GPHN: variants seen among roughly 807,000 people sequenced by gnomAD.
GPHN encodes gephyrin.
Under a neutral mutation model 95.5 loss-of-function variants are expected in GPHN, and 17 were observed. That is an observed-to-expected ratio of 0.18 (90% CI 0.12 to 0.27). GPHN has a LOEUF of 0.27. GPHN is among the 10% of genes least tolerant of loss of function. The pLI, the probability that GPHN is intolerant of heterozygous loss-of-function variation, is 1.00. For missense variants in GPHN, 660 were observed against 978.1 expected (o/e 0.67, Z 4.34); for synonymous variants, 320 against 322.5 (o/e 0.99, Z 0.08).
chr14:66,603,731 A>G (rs1465753833), intron 1 of GPHN, among the ~76,000 whole-genome samples: 2 of 151,998 alleles, frequency 1.3e-5, no homozygotes, highest in African/African-American at 2.4e-5. Flanking sequence ...TAAATACTTG[A>G]TAAGTTAGGT....
At chr14:67,192,524 G>A in the GPHN span, among the ~76,000 whole-genome samples, 9 of 151,542 alleles carry the variant, frequency 5.9e-5, no homozygotes, top group Admixed American at 1.3e-4. Context: ...TACTGTGCCC[G>A]CACACCGAGA....
the GPHN span, among the ~76,000 whole-genome samples, chr14:67,290,860 C>T: frequency 1.7e-4 from 26 of 151,986 alleles, no homozygotes; most frequent in African/African-American, 5.1e-4. Context: ...ATAAGTGGTA[C>T]TAGAATCATT....
At chr14:67,446,240 TTGA>T in the GPHN span, among the ~76,000 whole-genome samples, 33 of 152,324 alleles carry the variant, frequency 2.2e-4, no homozygotes, top group South Asian at 6.6e-3. Flanking sequence ...AGTACCAGAC[TTGA>T]TGATTGCTTA....
At chr14:67,503,767 G>A in the GPHN span, among the ~76,000 whole-genome samples, 2 of 151,816 alleles carry the variant, frequency 1.3e-5, no homozygotes, top group Non-Finnish European at 2.9e-5. Flanking sequence ...ACAGTCGTGC[G>A]ATCTCAGCTC....
At chr14:67,055,376 G>A (rs1346082971) in intron 10 of GPHN, among the ~76,000 whole-genome samples, 1 of 152,118 alleles carries the variant, frequency 6.6e-6, no homozygotes, top group African/African-American at 2.4e-5. Context: ...TACCATCTCA[G>A]GCCAGTCAGA....
chr14:67,537,626 A>G, the GPHN span, among the ~76,000 whole-genome samples: 1 of 151,708 alleles, frequency 6.6e-6, no homozygotes. Context: ...TGATTGTGCC[A>G]CTCACTCCAG....
the GPHN span, chr14:67,340,497 C>A: frequency 1.9e-6 from 3 of 1,611,202 alleles, no homozygotes; most frequent in African/African-American, 1.4e-5. Flanking sequence ...AGCAAGAGTA[C>A]GTTCAATCCG....
the GPHN span, chr14:67,203,138 C>G: frequency 4.3e-6 from 7 of 1,613,740 alleles, no homozygotes; most frequent in African/African-American, 1.3e-5. Flanking sequence ...ACCGAGCCAA[C>G]TGGGTGACCG....
intron 8 of GPHN, among the ~76,000 whole-genome samples, chr14:66,936,742 GA>G (rs1186777545): frequency 6.6e-6 from 1 of 152,150 alleles, no homozygotes; most frequent in African/African-American, 2.4e-5. Flanking sequence ...AACAAGAATG[GA>G]AAGGACACAG....
At chr14:66,648,444 CAGT>C (rs1212839080) in intron 1 of GPHN, among the ~76,000 whole-genome samples, 1 of 152,086 alleles carries the variant, frequency 6.6e-6, no homozygotes, top group Non-Finnish European at 1.5e-5. Flanking sequence ...ATATTTCAAT[CAGT>C]GGTGGACAAC....
chr14:67,388,910 C>A, the GPHN span, among the ~76,000 whole-genome samples: 2 of 152,068 alleles, frequency 1.3e-5, no homozygotes, highest in Admixed American at 1.3e-4. Context: ...AACTCCTGAC[C>A]TCAAGTGATC....
At chr14:67,124,020 T>G (rs2079156051) in intron 17 of GPHN, among the ~76,000 whole-genome samples, 1 of 152,198 alleles carries the variant, frequency 6.6e-6, no homozygotes, top group Non-Finnish European at 1.5e-5. Context: ...TTTTTTTTCT[T>G]TCTCTGAGGA....
intron 21 of GPHN, among the ~76,000 whole-genome samples, chr14:67,176,393 A>G (rs530713328): frequency 6.6e-6 from 1 of 152,314 alleles, no homozygotes; most frequent in South Asian, 2.1e-4. Flanking sequence ...TGATTTGCAT[A>G]TGTTGAACCA....
At chr14:67,599,934 C>T in the GPHN span, 1 of 1,123,010 alleles carries the variant, frequency 8.9e-7, no homozygotes, top group South Asian at 1.6e-5. Context: ...AGGGGCCGAC[C>T]AGAGGTCCGG....
the GPHN span, chr14:67,321,222 A>G: frequency 3.1e-6 from 5 of 1,614,096 alleles, no homozygotes; most frequent in Middle Eastern, 1.6e-4. Flanking sequence ...CAAGTGATCA[A>G]CTCTGGCAAA....
the GPHN span, among the ~76,000 whole-genome samples, chr14:67,429,390 C>G: frequency 1.3e-5 from 2 of 151,660 alleles, no homozygotes; most frequent in African/African-American, 4.8e-5. Flanking sequence ...ACCACCACGC[C>G]CAGCCAATTT....
intron 1 of GPHN, among the ~76,000 whole-genome samples, chr14:66,613,398 C>CA (rs2062866488): frequency 6.6e-6 from 1 of 151,998 alleles, no homozygotes; most frequent in South Asian, 2.1e-4. Flanking sequence ...TTCTACACAA[C>CA]AAAATCACCA....
chr14:67,701,420 A>G, the GPHN span, among the ~76,000 whole-genome samples: 1 of 135,596 alleles, frequency 7.4e-6, no homozygotes, highest in Admixed American at 8.7e-5. Context: ...ACTTTATTAT[A>G]ATTTCTTTTT....
intron 3 of GPHN, among the ~76,000 whole-genome samples, chr14:66,816,491 T>G (rs895951027): frequency 6.6e-6 from 1 of 152,140 alleles, no homozygotes; most frequent in Non-Finnish European, 1.5e-5. Context: ...AAATTAAGAC[T>G]GAGAAATTTA....
Sources: allele counts gnomAD v4.1 joint callset (sites outside exome capture counted in the v4.1 genomes callset), GRCh38; gene constraint gnomAD v4.1.1; transcripts MANE v1.5; gene names NCBI Gene and HGNC (gene_info 2026-07-23, HGNC 2026-07-21).